The following KLHL1 variants were observed in gnomAD, a reference collection of about 807,000 sequenced individuals.
The protein encoded by KLHL1 is kelch-like protein 1.
In KLHL1, 47 loss-of-function variants were observed where a neutral mutation model predicts 77.7. The ratio of observed to expected loss-of-function variants is 0.60; its 90% CI spans 0.48 to 0.77. The LOEUF is 0.77. Among genes scored for constraint, KLHL1 ranks in the 30% least tolerant of loss-of-function variants. The pLI is 0.00. For synonymous variants in KLHL1, 360 were observed against 325.2 expected, an observed-to-expected ratio of 1.11 and a Z score of -1.15; for missense variants, 925 against 910.8, an observed-to-expected ratio of 1.02 and a Z score of -0.20.
At chr13:69,816,588 T>G (rs1878134064) in intron 6 of KLHL1, among the ~76,000 whole-genome samples, 1 of 152,156 alleles carries the variant, frequency 6.6e-6, no homozygotes, top group South Asian at 2.1e-4. Context: ...TGTAACTACC[T>G]ATTTTAAATG....
chr13:69,703,805 A>G (rs1265886732), intron 10 of KLHL1, among the ~76,000 whole-genome samples: 1 of 151,778 alleles, frequency 6.6e-6, no homozygotes, highest in East Asian at 1.9e-4. Context: ...ATAGCTTTGT[A>G]ACCTAGGAGC....
chr13:69,779,829 T>C (rs902105495), intron 7 of KLHL1, among the ~76,000 whole-genome samples: 1 of 151,722 alleles, frequency 6.6e-6, no homozygotes, highest in African/African-American at 2.4e-5. Context: ...TTTATATTTT[T>C]TGAGACGGAG....
intron 7 of KLHL1, among the ~76,000 whole-genome samples, chr13:69,770,119 C>A (rs185545186): frequency 6.6e-6 from 1 of 152,158 alleles, no homozygotes; most frequent in East Asian, 1.9e-4. Flanking sequence ...AGCTATAACA[C>A]CCCCTTGGGA....
rs1393275117 is a variant in KLHL1, at chr13:70,107,475, A to G, written c.225T>C (p.Ser75=). The G allele has an allele frequency of 6.2e-7, 1 of 1,614,082 alleles. No individual in the cohort carries two copies. Among genetic ancestry groups the G allele is most frequent in the Non-Finnish European group, 8.5e-7 (1 of 1,179,996 alleles). ...VSTFWKKPSS[S]SSSSSSPSSS... ...AGGACGGGGAGGACGATGAAGAGGAAGAGGAGGAAGGCTTCTTCCAGAAAG... is the reference window on the plus strand; with the variant it reads ...AGGACGGGGAGGACGATGAAGAGGAGGAGGAGGAAGGCTTCTTCCAGAAAG... Residue 75 remains serine (S), a synonymous_variant, in exon 1 of 11, where the codon TCT becomes TCC. Transcript: ENST00000377844.
chr13:69,955,953 TATTTG>T (rs1883856583), intron 3 of KLHL1, among the ~76,000 whole-genome samples: 1 of 132,314 alleles, frequency 7.6e-6, no homozygotes, highest in Admixed American at 8.1e-5. Context: ...TTTATATATA[TATTTG>T]ATATTTATAT....
At chr13:69,967,176 A>G (rs576798137) in intron 2 of KLHL1, among the ~76,000 whole-genome samples, 15 of 152,284 alleles carry the variant, frequency 9.9e-5, no homozygotes, top group Middle Eastern at 6.8e-3. Context: ...TCTTTGAAAA[A>G]TAAGTCTCCA....
intron 1 of KLHL1, among the ~76,000 whole-genome samples, chr13:70,056,227 G>A (rs1886740032): frequency 6.6e-6 from 1 of 152,124 alleles, no homozygotes; most frequent in East Asian, 1.9e-4. Context: ...AGACAAAAGT[G>A]ATACAAGGAG....
chr13:69,757,512 AT>A (rs1480684383), intron 7 of KLHL1, among the ~76,000 whole-genome samples: 1 of 152,158 alleles, frequency 6.6e-6, no homozygotes, highest in Non-Finnish European at 1.5e-5. Context: ...ATGAATGTTT[AT>A]TATTTCTATT....
At chr13:70,025,050 T>A (rs1885907268) in intron 1 of KLHL1, among the ~76,000 whole-genome samples, 1 of 151,990 alleles carries the variant, frequency 6.6e-6, no homozygotes, top group Non-Finnish European at 1.5e-5. Context: ...TAAGTTTAGG[T>A]TTACATTCAC....
chr13:69,752,458 A>G (rs1204868801), intron 7 of KLHL1, among the ~76,000 whole-genome samples: 1 of 152,134 alleles, frequency 6.6e-6, no homozygotes, highest in Non-Finnish European at 1.5e-5. Context: ...TATCATGAAA[A>G]TCTCAAGGAT....
chr13:69,779,143 C>T (rs1302161115), intron 7 of KLHL1, among the ~76,000 whole-genome samples: 2 of 151,926 alleles, frequency 1.3e-5, no homozygotes, highest in African/African-American at 4.8e-5. Flanking sequence ...TGATGTGATT[C>T]CTAGCATTAA....
intron 4 of KLHL1, among the ~76,000 whole-genome samples, chr13:69,913,782 T>A (rs897761234): frequency 6.6e-5 from 10 of 152,318 alleles, no homozygotes; most frequent in Middle Eastern, 6.8e-3. Context: ...TGGCTACACA[T>A]ACAAATTCAC....
At chr13:69,792,903 T>G (rs991819159) in intron 7 of KLHL1, among the ~76,000 whole-genome samples, 9 of 152,108 alleles carry the variant, frequency 5.9e-5, no homozygotes, top group African/African-American at 2.2e-4. Context: ...GACAATGTAT[T>G]GGGTATAGGA....
chr13:69,939,402 C>G (rs1883297219), intron 4 of KLHL1, among the ~76,000 whole-genome samples: 1 of 131,362 alleles, frequency 7.6e-6, no homozygotes, highest in East Asian at 2.3e-4. Flanking sequence ...CACACACATA[C>G]AGGGAATAAA....
At chr13:69,825,107 C>A (rs545970572) in intron 6 of KLHL1, among the ~76,000 whole-genome samples, 2 of 152,020 alleles carry the variant, frequency 1.3e-5, no homozygotes, top group Non-Finnish European at 2.9e-5. Flanking sequence ...TGGATGTTAA[C>A]TGTATGATTG....
intron 9 of KLHL1, among the ~76,000 whole-genome samples, chr13:69,715,631 A>T (rs1215757397): frequency 6.6e-6 from 1 of 151,856 alleles, no homozygotes; most frequent in Non-Finnish European, 1.5e-5. Context: ...GTGAAAATGG[A>T]CTAATATAAT....
At chr13:70,071,081 T>C (rs1319269613) in intron 1 of KLHL1, among the ~76,000 whole-genome samples, 5 of 151,950 alleles carry the variant, frequency 3.3e-5, no homozygotes, top group Non-Finnish European at 5.9e-5. Context: ...ACTTTAAATA[T>C]GAATATTCTA....
At chr13:70,041,507 G>C (rs1243981728) in intron 1 of KLHL1, among the ~76,000 whole-genome samples, 1 of 152,120 alleles carries the variant, frequency 6.6e-6, no homozygotes, top group African/African-American at 2.4e-5. Flanking sequence ...GTTACTGTTG[G>C]GTAGGGGTAA....
chr13:69,781,379 T>C (rs747629296), intron 7 of KLHL1, among the ~76,000 whole-genome samples: 1 of 148,944 alleles, frequency 6.7e-6, no homozygotes, highest in Non-Finnish European at 1.5e-5. Context: ...CCACAATGCA[T>C]GAAAATGTCT....
Sources: allele counts gnomAD v4.1 joint callset (sites outside exome capture counted in the v4.1 genomes callset), GRCh38; gene constraint gnomAD v4.1.1; transcripts MANE v1.5; gene names NCBI Gene and HGNC (gene_info 2026-07-23, HGNC 2026-07-21).